The following COL5A1 variants were observed in gnomAD, a reference collection of about 807,000 sequenced individuals.
COL5A1 encodes collagen type V alpha 1 chain, also known as collagen alpha-1(V) chain.
Under a neutral mutation model 263.7 loss-of-function variants are expected in COL5A1, and 16 were observed. The observed-to-expected ratio is 0.06, with a 90% CI of 0.04 to 0.09. COL5A1 has a LOEUF of 0.09. Ranked by LOEUF, COL5A1 falls within the 10% of genes least tolerant of loss-of-function variation. The pLI, the probability that COL5A1 is intolerant of heterozygous loss-of-function variation, is 1.00. For missense variants in COL5A1, 2,036 were observed against 2,540.5 expected (o/e 0.80, Z 4.27); for synonymous variants, 1,012 against 1,004.5 (o/e 1.01, Z -0.14).
At chr9:134,807,623 C>T (rs866876633) in intron 42 of COL5A1, among the ~76,000 whole-genome samples, 3 of 152,320 alleles carry the variant, frequency 2.0e-5, no homozygotes, top group Middle Eastern at 3.4e-3. Flanking sequence ...ACGTTTCACT[C>T]TCAGTGGCTC....
intron 13 of COL5A1, among the ~76,000 whole-genome samples, chr9:134,751,729 G>A (rs1170777889): frequency 6.6e-6 from 1 of 152,222 alleles, no homozygotes; most frequent in African/African-American, 2.4e-5. Context: ...CCTTGTTTGA[G>A]AAATATTTAT....
At chr9:134,674,063 G>A (rs1474463608) in intron 1 of COL5A1, among the ~76,000 whole-genome samples, 1 of 152,142 alleles carries the variant, frequency 6.6e-6, no homozygotes, top group Non-Finnish European at 1.5e-5. Context: ...ACCCATTCTT[G>A]GTGGGGATGC....
intron 26 of COL5A1, among the ~76,000 whole-genome samples, chr9:134,773,468 G>A (rs923944307): frequency 2.0e-5 from 3 of 152,156 alleles, no homozygotes; most frequent in Admixed American, 6.5e-5. Flanking sequence ...GCCAACCTTC[G>A]TTCACCCCAA....
chr9:134,804,980 C>G lies in COL5A1; in HGVS notation c.3120C>G (p.Asp1040Glu). The change falls in exon 40 of 66, where the codon GAC (aspartate) becomes GAG (glutamate). Residue 1040 changes from aspartate to glutamate, a missense_variant. Physicochemically the swap from Asp to Glu is conservative, Grantham distance 45 (BLOSUM62 2). Coordinates refer to ENST00000371817, the MANE Select transcript of COL5A1 (RefSeq NM_000093.5). ...GLAGKEGTKGDPGPAGLPGKD... is the reference protein window; with the variant it reads ...GLAGKEGTKGEPGPAGLPGKD... ...ATCTCTGACTCTGTTTTCAGGGTGA[C>G]CCAGGCCCTGCAGGCCTCCCTGGGA... is the stretch of plus-strand genomic sequence containing the variant. 1 of 1,613,276 alleles carries G rather than the reference C, an allele frequency of 6.2e-7. No individual in the cohort carries two copies. The highest frequency in any genetic ancestry group is 1.1e-5 in the South Asian group (1 of 91,080).
intron 11 of COL5A1, among the ~76,000 whole-genome samples, chr9:134,747,145 TC>T (rs1449075286): frequency 1.1e-4 from 16 of 152,192 alleles, no homozygotes; most frequent in Non-Finnish European, 5.9e-5. Flanking sequence ...CGACATTCTT[TC>T]CTTTCTTCTC....
intron 50 of COL5A1, 67 bp downstream of exon 50, chr9:134,814,971 G>T: frequency 8.7e-7 from 1 of 1,146,962 alleles, no homozygotes; most frequent in South Asian, 1.4e-5. Flanking sequence ...GGATCATTCT[G>T]ACTCACTGGC....
intron 14 of COL5A1, among the ~76,000 whole-genome samples, chr9:134,753,535 G>C (rs1486655103): frequency 6.6e-6 from 1 of 152,334 alleles, no homozygotes. Context: ...GAAGCTTTGG[G>C]CTGTAACGGA....
chr9:134,643,070 G>C (rs1376266754), intron 1 of COL5A1, among the ~76,000 whole-genome samples: 2 of 152,220 alleles, frequency 1.3e-5, no homozygotes, highest in Non-Finnish European at 2.9e-5. Context: ...TTCTGCCAAG[G>C]GTCAGCCCTT....
At chr9:134,825,447 C>T (rs62571409) in intron 62 of COL5A1, among the ~76,000 whole-genome samples, 4 of 152,194 alleles carry the variant, frequency 2.6e-5, no homozygotes, top group Non-Finnish European at 4.4e-5. Context: ...CCAGTAGACT[C>T]TGATCCTACA....
rs1834899857 is a variant in COL5A1 at position 134,731,982 on chromosome 9, T to C, written c.1333-89T>C. 4 of 1,467,412 alleles carry C rather than the reference T, an allele frequency of 2.7e-6. No homozygotes were observed. In the East Asian group the frequency reaches 9.0e-5, roughly 33 times the overall value. 90.9% of individuals were successfully genotyped at this position (1,467,412 alleles called of 1,614,324 possible). On this transcript the variant is annotated intron_variant, in intron 8 of 65. Coordinates refer to ENST00000371817, the MANE Select transcript of COL5A1 (RefSeq NM_000093.5). Reference sequence around the variant, plus strand: ...CCAGCTACGATAGTGCCCTCGGCCTTGCGAAATCGGGCAGATTTTGTGTAA... The same window carrying C: ...CCAGCTACGATAGTGCCCTCGGCCTCGCGAAATCGGGCAGATTTTGTGTAA...
At chr9:134,657,343 T>A (rs935912789) in intron 1 of COL5A1, among the ~76,000 whole-genome samples, 2 of 54,638 alleles carry the variant, frequency 3.7e-5, no homozygotes, top group East Asian at 6.6e-4. Context: ...ATAGATAATA[T>A]GGGGGCTGGG....
rs766771487 is a variant in COL5A1 at position 134,730,413 on chromosome 9, A to C, written c.1102A>C (p.Thr368Pro). The change falls in exon 7 of 66, where the codon ACA becomes CCA. Residue 368 changes from threonine to proline, a missense_variant. Thr to Pro is a conservative substitution (Grantham distance 38). Around this residue, in one of 3 missense-constraint regions of COL5A1, gnomAD observed 600 missense variants for 634.5 expected, o/e 0.95. Coordinates refer to ENST00000371817, the MANE Select transcript of COL5A1 (RefSeq NM_000093.5). ...GGGGGAGGAGAACCCCGACCAGCCCACAGACCCAGGCGCTGGGGCCGAAAT... is the reference window on the plus strand; with the variant it reads ...GGGGGAGGAGAACCCCGACCAGCCCCCAGACCCAGGCGCTGGGGCCGAAAT... ...GEGEENPDQP[T>P]DPGAGAEIPT... is the part of the protein sequence containing the mutation. The C allele has an allele frequency of 6.2e-7, 1 of 1,614,192 alleles. No individual in the cohort carries two copies. Among genetic ancestry groups the C allele is most frequent in the East Asian group, 2.2e-5 (1 of 44,894 alleles).
intron 4 of COL5A1, among the ~76,000 whole-genome samples, chr9:134,725,706 G>A (rs1321776487): frequency 1.3e-5 from 2 of 152,246 alleles, no homozygotes; most frequent in African/African-American, 2.4e-5. Flanking sequence ...CAGTTAGAGT[G>A]TAGGCTGCTC....
In COL5A1 at chr9:134,738,788, G is replaced by T; in HGVS notation, c.1474G>T (p.Val492Phe). The T allele has an allele frequency of 2.5e-6, 4 of 1,613,832 alleles. No homozygotes were observed. Among genetic ancestry groups the T allele is most frequent in the Non-Finnish European group, 2.5e-6 (3 of 1,179,754 alleles). ...PPGTMGPTGQ[V>F]GDPGERGPPG... is the part of the protein sequence containing the mutation. Reference sequence around the variant, plus strand: ...AGGAACCATGGGTCCCACTGGCCAAGTCGGGGACCCTGGAGAAAGGGTAAG... The same window carrying T: ...AGGAACCATGGGTCCCACTGGCCAATTCGGGGACCCTGGAGAAAGGGTAAG... Residue 492 changes from valine (V) to phenylalanine (F), a missense_variant, in exon 11 of 66, where the codon GTC becomes TTC. By Grantham distance (50) the Val-to-Phe change is conservative. Coordinates refer to ENST00000371817, the MANE Select transcript of COL5A1 (RefSeq NM_000093.5).
Position 134,727,365 on chromosome 9 carries a change from C to T in COL5A1, c.754C>T (p.Pro252Ser), listed in dbSNP as rs369781295. Residue 252 changes from proline (P) to serine (S), a missense_variant, in exon 5 of 66, where the codon CCA becomes TCA. Pro to Ser is a moderately conservative substitution (Grantham distance 74). This residue lies in a region of COL5A1 where 600 missense variants were observed against 634.5 expected (regional missense o/e 0.95). Transcript: ENST00000371817. ...CTGTGACACCGCAGTACCTGACACC[C>T]CACAGTCGCAGGACCCCAATCCAGA... is the stretch of plus-strand genomic sequence containing the variant. ...PDCDTAVPDTPQSQDPNPDEY... is the reference protein window; with the variant it reads ...PDCDTAVPDTSQSQDPNPDEY... The T allele has an allele frequency of 1.8e-5, 29 of 1,613,976 alleles. No homozygotes were observed. The highest frequency in any genetic ancestry group is 8.0e-5 in the African/African-American group (6 of 74,900).
At chr9:134,732,851 A>G (rs1442280817) in intron 9 of COL5A1, among the ~76,000 whole-genome samples, 1 of 152,200 alleles carries the variant, frequency 6.6e-6, no homozygotes, top group Non-Finnish European at 1.5e-5. Flanking sequence ...ATAGGGGGCC[A>G]TGGCCTGGCT....
chr9:134,665,580 C>T (rs927004945), intron 1 of COL5A1, among the ~76,000 whole-genome samples: 3 of 152,136 alleles, frequency 2.0e-5, no homozygotes, highest in African/African-American at 4.8e-5. Context: ...GCTGGGTGCA[C>T]AGGCTGCAGG....
chr9:134,675,804 C>A (rs1461681971), intron 1 of COL5A1, among the ~76,000 whole-genome samples: 1 of 152,186 alleles, frequency 6.6e-6, no homozygotes, highest in African/African-American at 2.4e-5. Flanking sequence ...TGAGCTTCCC[C>A]ACAGCATGGT....
intron 9 of COL5A1, among the ~76,000 whole-genome samples, chr9:134,738,107 G>A (rs992523046): frequency 6.6e-6 from 1 of 152,122 alleles, no homozygotes; most frequent in African/African-American, 2.4e-5. Context: ...CTCCTCCCTC[G>A]AGTGGCTTTG....
Sources: allele counts gnomAD v4.1 joint callset (sites outside exome capture counted in the v4.1 genomes callset), GRCh38; gene constraint gnomAD v4.1.1; regional missense constraint gnomAD v4.1.1; transcripts MANE v1.5; gene names NCBI Gene and HGNC (gene_info 2026-07-23, HGNC 2026-07-21).